The following PKD2L2 variants were observed in gnomAD, a reference collection of about 807,000 sequenced individuals.
The protein encoded by PKD2L2 is polycystin-2-like protein 2.
PKD2L2 carries 67 observed loss-of-function variants against 83.9 expected under a neutral mutation model. The observed-to-expected ratio is 0.80, with a 90% CI of 0.66 to 0.98. The LOEUF (loss-of-function observed/expected upper bound fraction) is 0.98. Among genes scored for constraint, PKD2L2 ranks in the 50% least tolerant of loss-of-function variants. The pLI, the probability that PKD2L2 is intolerant of heterozygous loss-of-function variation, is 0.00. For missense variants in PKD2L2, 632 were observed against 717.2 expected (o/e 0.88, Z 1.36); for synonymous variants, 223 against 237.8 (o/e 0.94, Z 0.57).
intron 10 of PKD2L2, among the ~76,000 whole-genome samples, chr5:137,924,309 CTA>C (rs1413551218): frequency 6.6e-6 from 1 of 152,230 alleles, no homozygotes; most frequent in Non-Finnish European, 1.5e-5. Flanking sequence ...CTTTCTGCCT[CTA>C]TTTACAATAC....
intron 14 of PKD2L2, chr5:137,940,232 G>C: frequency 6.2e-7 from 1 of 1,613,840 alleles, no homozygotes; most frequent in Non-Finnish European, 8.5e-7. Flanking sequence ...ATCTTATATG[G>C]ATTTTGAAGA....
chr5:137,906,625 T>A (rs1395135957), intron 6 of PKD2L2, among the ~76,000 whole-genome samples, 191 bp downstream of exon 6: 1 of 152,138 alleles, frequency 6.6e-6, no homozygotes, highest in Admixed American at 6.6e-5. Flanking sequence ...TTTTTTCTGA[T>A]TTGGTCCTTG....
Position 137,891,483 on chromosome 5 carries a change from A to T in PKD2L2, c.133+901A>T, listed in dbSNP as rs1429225503. Among the ~76,000 whole-genome samples, 10 of 152,088 alleles carry T rather than the reference A, an allele frequency of 6.6e-5. No homozygotes were observed. The South Asian group carries it at 1.5e-3, about 22-fold the overall frequency. On this transcript the variant is annotated intron_variant, in intron 2 of 14. Transcript: ENST00000508883. ...CCTGTCCCAAGGAAAAAAAAAAAAA[A>T]GATAACTGTAGGCAACTTTATAAAT...
chr5:137,892,575 A>C lies in PKD2L2; in HGVS notation c.229A>C (p.Asn77His), dbSNP rs753253612. 1 of 1,612,320 alleles carries C rather than the reference A, an allele frequency of 6.2e-7. No individual in the cohort carries two copies. The highest frequency in any genetic ancestry group is 8.5e-7 in the Non-Finnish European group (1 of 1,179,362). The part of the protein sequence containing the change: ...DTSVPGEERT[N>H]FKSIRSITDF... ...TTCTGTGCCTGGTGAAGAAAGAACC[A>C]ACTTTAAGTCCATTCGCAGCATAAC... Residue 77 changes from asparagine (N) to histidine (H), a missense_variant, in exon 3 of 15, where the codon AAC becomes CAC. Coordinates refer to ENST00000508883, the MANE Select transcript of PKD2L2 (RefSeq NM_001300921.2).
chr5:137,937,279 C>T (rs920803991), intron 14 of PKD2L2, among the ~76,000 whole-genome samples: 3 of 152,216 alleles, frequency 2.0e-5, no homozygotes, highest in African/African-American at 7.2e-5. Flanking sequence ...AGAAATCTCA[C>T]TAACATCTTC....
chr5:137,918,624 A>G (rs1758593362), intron 8 of PKD2L2, among the ~76,000 whole-genome samples: 1 of 152,178 alleles, frequency 6.6e-6, no homozygotes, highest in Non-Finnish European at 1.5e-5. Flanking sequence ...CCATGAGGCT[A>G]ATGAGTAGGG....
rs751406370 is a variant in PKD2L2 at position 137,892,572 on chromosome 5, AC to A, written c.228del (p.Asn77ThrfsTer8). On this transcript the variant is annotated frameshift_variant, in exon 3 of 15. Coordinates refer to ENST00000508883, the MANE Select transcript of PKD2L2 (RefSeq NM_001300921.2). LOFTEE classifies it high-confidence loss of function. Reference protein sequence around the residue: ...LDTSVPGEERTNFKSIRSITD... With the variant: ...LDTSVPGEERXNFKSIRSITD... ...CACTTCTGTGCCTGGTGAAGAAAGA[AC>A]CAACTTTAAGTCCATTCGCAGCATA... 8.1e-6 allele frequency: 13 copies of A among 1,612,426 alleles called. No individual in the cohort carries two copies. The highest frequency in any genetic ancestry group is 1.1e-5 in the Non-Finnish European group (13 of 1,179,416).
At chr5:137,916,182 A>C (rs1412329264) in intron 8 of PKD2L2, among the ~76,000 whole-genome samples, 2 of 150,178 alleles carry the variant, frequency 1.3e-5, no homozygotes, top group African/African-American at 2.5e-5. Context: ...TTTCTCCCTC[A>C]CTTTTTTTTT....
chr5:137,939,247 C>T (rs1760982821), intron 14 of PKD2L2: 1 of 152,508 alleles, frequency 6.6e-6, no homozygotes, highest in Admixed American at 6.6e-5. Flanking sequence ...AGATAACCCC[C>T]TGAAGGTACA....
chr5:137,895,272 A>G (rs886762191), intron 4 of PKD2L2, among the ~76,000 whole-genome samples: 17 of 152,002 alleles, frequency 1.1e-4, no homozygotes, highest in African/African-American at 4.1e-4. Flanking sequence ...GTTCGAGACT[A>G]GTCTGGGCAA....
chr5:137,929,922 A>G (rs1213430471), intron 12 of PKD2L2, among the ~76,000 whole-genome samples: 8 of 152,216 alleles, frequency 5.3e-5, no homozygotes, highest in Admixed American at 4.6e-4. Flanking sequence ...AAATCAAAGG[A>G]TTCTAGACAA....
chr5:137,890,924 A>G (rs911704203), intron 2 of PKD2L2, among the ~76,000 whole-genome samples: 1 of 152,218 alleles, frequency 6.6e-6, no homozygotes, highest in Non-Finnish European at 1.5e-5. Flanking sequence ...TTAGAGTCAT[A>G]TAGACACATC....
chr5:137,912,623 T>C (rs150879270), intron 8 of PKD2L2, among the ~76,000 whole-genome samples: 4 of 152,118 alleles, frequency 2.6e-5, no homozygotes, highest in South Asian at 2.1e-4. Context: ...AGCCTCTGTC[T>C]CCCAAAGTGC....
At chr5:137,934,560 G>A (rs1456964299) in intron 12 of PKD2L2, among the ~76,000 whole-genome samples, 1 of 152,102 alleles carries the variant, frequency 6.6e-6, no homozygotes, top group Non-Finnish European at 1.5e-5. Context: ...TGTAATCCCA[G>A]CACGTTGGAA....
chr5:137,909,679 G>T (rs1318163529), intron 8 of PKD2L2, among the ~76,000 whole-genome samples: 1 of 151,084 alleles, frequency 6.6e-6, no homozygotes, highest in Non-Finnish European at 1.5e-5. Flanking sequence ...CAAGTAGCTG[G>T]GTGTGCCACC....
At chr5:137,899,821 CAT>C in intron 5 of PKD2L2, 84 bp downstream of exon 5, 1 of 695,758 alleles carries the variant, frequency 1.4e-6, no homozygotes, top group Non-Finnish European at 2.5e-6. Flanking sequence ...CCTTGAACCA[CAT>C]GAGTTTGAAC....
rs142634718 is a variant in PKD2L2, at chr5:137,922,573, A to G, written c.1449+817A>G. ...GGCAACATGACGAAATGCTGTCTCT[A>G]CTAAAAATACAAAAATTAGCTAGGC... On this transcript the variant is annotated intron_variant, in intron 9 of 14. Coordinates refer to ENST00000508883, the MANE Select transcript of PKD2L2 (RefSeq NM_001300921.2). Among the ~76,000 whole-genome samples the G allele has an allele frequency of 1.2e-3, 188 of 152,200 alleles. 4 individuals are homozygous for G. Among genetic ancestry groups the G allele is most frequent in the Middle Eastern group, 0.01 (3 of 294 alleles).
chr5:137,907,479 T>C (rs1757458949), intron 6 of PKD2L2, among the ~76,000 whole-genome samples: 2 of 152,224 alleles, frequency 1.3e-5, no homozygotes, highest in Non-Finnish European at 2.9e-5. Flanking sequence ...TTTATACATT[T>C]GCGCTTTATG....
chr5:137,941,171 G>A (rs1321965430), intron 14 of PKD2L2, among the ~76,000 whole-genome samples: 1 of 152,082 alleles, frequency 6.6e-6, no homozygotes, highest in Non-Finnish European at 1.5e-5. Context: ...GCCTCCCAAA[G>A]TGCTGGTATT....
Sources: allele counts gnomAD v4.1 joint callset (sites outside exome capture counted in the v4.1 genomes callset), GRCh38; gene constraint gnomAD v4.1.1; transcripts MANE v1.5; gene names NCBI Gene and HGNC (gene_info 2026-07-23, HGNC 2026-07-21).